Variants in CIZ1 observed in about 807,000 individuals in gnomAD.
CIZ1 encodes CDKN1A interacting zinc finger protein 1.
CIZ1 carries 58 observed loss-of-function variants against 118.6 expected under a neutral mutation model. The ratio of observed to expected loss-of-function variants is 0.49; its 90% confidence interval spans 0.40 to 0.61. The LOEUF (loss-of-function observed/expected upper bound fraction) is 0.61, where lower values mean the gene tolerates loss of function less well. Among genes scored for constraint, CIZ1 ranks in the 20% least tolerant of loss-of-function variants. The probability of loss-of-function intolerance (pLI) is 0.00; values close to 1 mark genes in which losing one functional copy is unlikely to be tolerated. For missense variants in CIZ1, 921 were observed against 1,115.9 expected, an observed-to-expected ratio of 0.83 and a Z score of 2.49; for synonymous variants, 448 against 443.4, an observed-to-expected ratio of 1.01 and a Z score of -0.13.
intron 1 of CIZ1, among the ~76,000 whole-genome samples, chr9:128,198,751 G>C (rs944712405): frequency 1.3e-5 from 2 of 152,006 alleles, no homozygotes; most frequent in African/African-American, 4.8e-5. Flanking sequence ...GGAATCGCTT[G>C]AACCCAGGAG....
chr9:128,190,566 G>A lies in CIZ1; in HGVS notation c.170+122C>T, dbSNP rs1291737765. The A allele has an allele frequency of 2.9e-6, 4 of 1,387,904 alleles. No homozygotes were observed. In the African/African-American group the frequency reaches 4.3e-5, roughly 15 times the overall value. 86.0% of individuals were successfully genotyped at this position (1,387,904 alleles called of 1,614,324 possible). The stretch of plus-strand genomic sequence containing the variant: ...GTAGACAGAGGACCCCTTGGGGCTG[G>A]AATTGGTGATCTCCAGGACTCAAAC... On this transcript the variant is annotated intron_variant, in intron 2 of 16. Coordinates refer to ENST00000372938, the MANE Select transcript of CIZ1 (RefSeq NM_001131016.2).
At chr9:128,173,135 CTTTTTTTTTT>C (rs957423189) in intron 11 of CIZ1, among the ~76,000 whole-genome samples, 1 of 80,790 alleles carries the variant, frequency 1.2e-5, no homozygotes, top group African/African-American at 5.4e-5. Context: ...TGGCTAATTT[CTTTTTTTTTT>C]TTTTTTTTTT....
chr9:128,169,957 G>A, intron 12 of CIZ1, 63 bp downstream of exon 12: 2 of 1,453,868 alleles, frequency 1.4e-6, no homozygotes, highest in Admixed American at 1.9e-5. Flanking sequence ...GGGGCTCTGT[G>A]TTGTCTGGAC....
In CIZ1 at chr9:128,190,311, G is replaced by C; in HGVS notation, c.286+18C>G. 1 of 1,565,548 alleles carries C rather than the reference G, an allele frequency of 6.4e-7. No homozygotes were observed. Among genetic ancestry groups the C allele is most frequent in the Non-Finnish European group, 8.8e-7 (1 of 1,137,406 alleles). ...TACCACTAAAAGAGACTGAGAAGAG[G>C]CCTGGGGCCATCCATACCTTGCAAC... On this transcript the variant is annotated intron_variant, in intron 3 of 16. Transcript: ENST00000372938.
At chr9:128,170,867 G>C (rs965537975) in intron 11 of CIZ1, among the ~76,000 whole-genome samples, 2 of 152,124 alleles carry the variant, frequency 1.3e-5, no homozygotes, top group African/African-American at 4.8e-5. Context: ...GGGCATAGTG[G>C]CTCACACCTG....
intron 2 of CIZ1, 89 bp downstream of exon 2, chr9:128,190,599 G>A: frequency 6.8e-7 from 1 of 1,472,176 alleles, no homozygotes; most frequent in Non-Finnish European, 9.1e-7. Context: ...AACGGGGATG[G>A]CACTGGGAAA....
rs772098912 is a variant in CIZ1, at chr9:128,185,556, G to C, written c.579C>G (p.Pro193=). ...CCCACCTACCACTCACCTTTCGATT[G>C]GGGGTGGTAGAGGAGGAGGTCCGGG... ...KQARTSSSTT[P]NRKDSSSQTM... The change falls in exon 5 of 17, where the codon CCC becomes CCG. Residue 193 remains proline, a synonymous_variant. Coordinates refer to ENST00000372938, the MANE Select transcript of CIZ1 (RefSeq NM_001131016.2). The C allele has an allele frequency of 3.3e-6, 5 of 1,505,028 alleles. 1 individual carries two copies. The East Asian group carries it at 1.2e-4, about 35-fold the overall frequency. The allele number at this position is 1,505,028 out of a possible 1,614,324, so 93.2% of individuals were successfully genotyped here. A position where few individuals can be genotyped will look rare whatever the true frequency, so the allele number is the denominator to read the frequency against.
At chr9:128,189,724 G>A (rs1467531404) in intron 3 of CIZ1, among the ~76,000 whole-genome samples, 5 of 149,148 alleles carry the variant, frequency 3.4e-5, no homozygotes, top group African/African-American at 1.2e-4. Context: ...GGAAGCTAAG[G>A]CAGGAGAATT....
chr9:128,176,382 C>G lies in CIZ1; in HGVS notation c.1912G>C (p.Val638Leu), dbSNP rs11549266. The change falls in exon 11 of 17, where the codon GTG becomes CTG. Residue 638 changes from valine (V) to leucine (L), a missense_variant. By Grantham distance (32) the Val-to-Leu change is conservative. Transcript: ENST00000372938. ...TCTGTCTCCAGGACGTCCCGGGGCA[C>G]GGGCAGCAGGGACAGGAGGCAGGCT... ...SQACLLSLLP[V>L]PRDVLETEDE... 1 of 1,613,698 alleles carries G rather than the reference C, an allele frequency of 6.2e-7. No individual in the cohort carries two copies.
At position 128,191,527 on chromosome 9, in the gene CIZ1, G is replaced by A. The variant is rs913196240; in HGVS notation, c.-101C>T. On this transcript the variant is annotated 5_prime_UTR_variant, in exon 1 of 17. Transcript: ENST00000372938. This position sits in a 1 kb window ranked among gnomAD's most constrained non-coding sequence, Gnocchi z 5.5. ...TCGGCCGGGCGGCTCCGGCCCGCGG[G>A]CTCCCGGCCTCCCCGCTGCTACTCC... The A allele has an allele frequency of 2.4e-5, 24 of 1,020,724 alleles. No homozygotes were observed. The highest frequency in any genetic ancestry group is 4.6e-5 in the South Asian group (1 of 21,782). 63.2% of individuals were successfully genotyped at this position (1,020,724 alleles called of 1,614,324 possible). A position where few individuals can be genotyped will look rare whatever the true frequency, so the allele number is the denominator to read the frequency against.
At chr9:128,191,945 C>T (rs1156246354), upstream of CIZ1, 12 of 1,415,328 alleles carry the variant, frequency 8.5e-6, no homozygotes, top group Non-Finnish European at 1.1e-5. The surrounding 1 kb of genome is among the most constrained non-coding windows in gnomAD (Gnocchi z 5.5). Context: ...TACATTCATT[C>T]GAGGGACCCA....
rs1296062215 is a variant in CIZ1 at position 128,203,682 on chromosome 9, G to A, written c.-6+504C>T. ...CGACCCCCGACCCCCGGGATCCCTGGAGTCCCCGCCCGGGGCACTGACGGC... is the reference window on the plus strand; with the variant it reads ...CGACCCCCGACCCCCGGGATCCCTGAAGTCCCCGCCCGGGGCACTGACGGC... On this transcript the variant is annotated intron_variant, in intron 1 of 17. Coordinates refer to the CIZ1 transcript ENST00000372948. This position sits in a 1 kb window ranked among gnomAD's most constrained non-coding sequence, Gnocchi z 5.3. The A allele has an allele frequency of 6.9e-7, 1 of 1,440,716 alleles. No individual in the cohort carries two copies. The highest frequency in any genetic ancestry group is 9.1e-7 in the Non-Finnish European group (1 of 1,101,378). 89.2% of individuals were successfully genotyped at this position (1,440,716 alleles called of 1,614,324 possible).
At chr9:128,192,152 G>C (rs1300797381), upstream of CIZ1, among the ~76,000 whole-genome samples, 2 of 152,104 alleles carry the variant, frequency 1.3e-5, no homozygotes, top group African/African-American at 4.8e-5. Flanking sequence ...TACTCTGGGA[G>C]GCCGAGGCTG....
At chr9:128,195,616 C>G (rs1478745391), upstream of CIZ1, among the ~76,000 whole-genome samples, 1 of 151,966 alleles carries the variant, frequency 6.6e-6, no homozygotes, top group East Asian at 1.9e-4. Flanking sequence ...CCATGCCAGG[C>G]CTTCCAGACC....
At chr9:128,196,656 T>C (rs1178353143), upstream of CIZ1, among the ~76,000 whole-genome samples, 1 of 152,044 alleles carries the variant, frequency 6.6e-6, no homozygotes, top group Non-Finnish European at 1.5e-5. Flanking sequence ...CAGGCTGGAG[T>C]GCAGTGGCAC....
At chr9:128,197,176 G>T (rs994567679) in intron 1 of CIZ1, 5 of 152,204 alleles carry the variant, frequency 3.3e-5, no homozygotes, top group African/African-American at 1.2e-4. Flanking sequence ...GCACATCGCA[G>T]GTTTGTGTGG....
At chr9:128,176,979 A>G (rs977115545) in intron 10 of CIZ1, among the ~76,000 whole-genome samples, 1 of 152,108 alleles carries the variant, frequency 6.6e-6, no homozygotes, top group Non-Finnish European at 1.5e-5. Context: ...ATCTTGGCTC[A>G]CTGCAACCTC....
At chr9:128,183,593 A>G (rs1480691779) in intron 5 of CIZ1, among the ~76,000 whole-genome samples, 3 of 152,232 alleles carry the variant, frequency 2.0e-5, no homozygotes, top group Non-Finnish European at 4.4e-5. Flanking sequence ...GGAGGGGGTG[A>G]GCCCTTTGCA....
intron 11 of CIZ1, among the ~76,000 whole-genome samples, chr9:128,173,721 C>A (rs972603481): frequency 1.3e-5 from 2 of 151,722 alleles, no homozygotes; most frequent in African/African-American, 4.8e-5. Flanking sequence ...AAACGGCCAA[C>A]GCGGGCCGGG....
Sources: gnomAD v4.1 joint callset for allele counts (sites outside exome capture counted in the v4.1 genomes callset) on GRCh38, gnomAD v4.1.1 for gene constraint, Gnocchi (gnomAD v3.1) non-coding constraint, MANE v1.5 for transcripts, NCBI Gene and HGNC (gene_info 2026-07-23, HGNC 2026-07-21) for gene names.